Variants in CADM2 observed in about 807,000 individuals in gnomAD.
CADM2 encodes the protein immunoglobulin superfamily member 4D.
CADM2 carries 12 observed loss-of-function variants against 49.8 expected under a neutral mutation model. The observed-to-expected ratio is 0.24, with a 90% confidence interval of 0.15 to 0.39. The LOEUF (loss-of-function observed/expected upper bound fraction) is 0.39, where lower values mean the gene tolerates loss of function less well. Among genes scored for constraint, CADM2 ranks in the 10% least tolerant of loss-of-function variants. The probability of loss-of-function intolerance (pLI) is 1.00; values close to 1 mark genes in which losing one functional copy is unlikely to be tolerated. For missense variants in CADM2, 378 were observed against 492.3 expected (o/e 0.77, Z 2.20); for synonymous variants, 214 against 175.4 (o/e 1.22, Z -1.74).
At chr3:85,190,775 A>G (rs1433274126) in intron 1 of CADM2, among the ~76,000 whole-genome samples, 4 of 152,122 alleles carry the variant, frequency 2.6e-5, no homozygotes, top group Admixed American at 6.6e-5. Context: ...GAATGTAGTG[A>G]TTATACTTTC....
intron 1 of CADM2, among the ~76,000 whole-genome samples, chr3:85,296,228 G>T (rs977231464): frequency 6.6e-6 from 1 of 152,008 alleles, no homozygotes; most frequent in Non-Finnish European, 1.5e-5. Context: ...TAAATCTATA[G>T]TTTGAGTTCA....
intron 1 of CADM2, among the ~76,000 whole-genome samples, chr3:85,123,519 A>C (rs2038932237): frequency 6.6e-6 from 1 of 152,114 alleles, no homozygotes; most frequent in African/African-American, 2.4e-5. Flanking sequence ...AATTGATGTG[A>C]TTGTTTTCTG....
At chr3:85,849,519 A>G (rs1486008023) in intron 3 of CADM2, among the ~76,000 whole-genome samples, 1 of 152,210 alleles carries the variant, frequency 6.6e-6, no homozygotes, top group Non-Finnish European at 1.5e-5. Context: ...GAATTTGGCA[A>G]AAGTCACGCC....
At chr3:85,569,206 T>A (rs2062404508) in intron 1 of CADM2, among the ~76,000 whole-genome samples, 1 of 152,122 alleles carries the variant, frequency 6.6e-6, no homozygotes, top group South Asian at 2.1e-4. Flanking sequence ...ACACTGGATG[T>A]ACCTTTTAGA....
chr3:85,818,642 T>A (rs1452288765), intron 3 of CADM2, among the ~76,000 whole-genome samples: 1 of 152,192 alleles, frequency 6.6e-6, no homozygotes, highest in East Asian at 1.9e-4. Flanking sequence ...TGAATAGCCC[T>A]AGCTATTATC....
chr3:85,749,241 G>A (rs1006807877), intron 2 of CADM2, among the ~76,000 whole-genome samples: 25 of 151,226 alleles, frequency 1.7e-4, no homozygotes, highest in African/African-American at 6.1e-4. Context: ...TCCCCAATTT[G>A]TTACTAATTA....
At chr3:85,860,461 C>A (rs2075484887) in intron 3 of CADM2, among the ~76,000 whole-genome samples, 1 of 152,094 alleles carries the variant, frequency 6.6e-6, no homozygotes, top group Non-Finnish European at 1.5e-5. Context: ...AATTTAGTGT[C>A]TTTGTCCTAT....
intron 7 of CADM2, among the ~76,000 whole-genome samples, chr3:85,941,438 G>A (rs1286503804): frequency 3.3e-5 from 5 of 152,010 alleles, no homozygotes; most frequent in African/African-American, 4.8e-5. Context: ...CCAGACCGAA[G>A]TCATGGCAAA....
intron 1 of CADM2, among the ~76,000 whole-genome samples, chr3:85,133,736 C>T (rs1347215390): frequency 1.3e-5 from 2 of 152,250 alleles, no homozygotes; most frequent in Admixed American, 6.5e-5. Context: ...TATTTACAAT[C>T]CCTGAGCTAG....
intron 1 of CADM2, among the ~76,000 whole-genome samples, chr3:85,495,556 C>T (rs2039852677): frequency 6.6e-6 from 1 of 152,004 alleles, no homozygotes; most frequent in Non-Finnish European, 1.5e-5. Context: ...AAAGTCTAGT[C>T]CCTGTTTGTT....
chr3:85,638,469 A>G (rs2064588422), intron 1 of CADM2, among the ~76,000 whole-genome samples: 1 of 152,116 alleles, frequency 6.6e-6, no homozygotes. Flanking sequence ...TATGATTTTT[A>G]GAACAAGAGG....
At chr3:85,723,236 G>A (rs1380681684) in intron 1 of CADM2, among the ~76,000 whole-genome samples, 1 of 152,048 alleles carries the variant, frequency 6.6e-6, no homozygotes, top group Non-Finnish European at 1.5e-5. Flanking sequence ...GTAACAATTT[G>A]CTGCTTTTAT....
At chr3:85,082,468 A>G (rs1394461699) in intron 1 of CADM2, among the ~76,000 whole-genome samples, 1 of 152,174 alleles carries the variant, frequency 6.6e-6, no homozygotes, top group African/African-American at 2.4e-5. Context: ...TCTAAAGGCC[A>G]TGCTCTTTCT....
intron 1 of CADM2, among the ~76,000 whole-genome samples, chr3:85,140,036 G>A (rs2039530305): frequency 6.6e-6 from 1 of 152,102 alleles, no homozygotes; most frequent in Admixed American, 6.5e-5. Context: ...AGGGAAGGCT[G>A]TTAGCAGATA....
intron 3 of CADM2, among the ~76,000 whole-genome samples, chr3:85,832,908 T>C (rs909972565): frequency 3.9e-5 from 6 of 151,966 alleles, no homozygotes. Context: ...TGCTTCCAGC[T>C]TCCGCTCATT....
chr3:85,570,365 T>A (rs1349448328), intron 1 of CADM2, among the ~76,000 whole-genome samples: 1 of 151,966 alleles, frequency 6.6e-6, no homozygotes, highest in Non-Finnish European at 1.5e-5. Context: ...TTTACGAAGC[T>A]CAAGTACTAA....
At chr3:86,014,494 C>G in intron 8 of CADM2, 2 of 1,530,026 alleles carry the variant, frequency 1.3e-6, no homozygotes, top group Non-Finnish European at 1.8e-6. Context: ...ATGAAACTCC[C>G]TGGAAAATAC....
At chr3:85,063,879 C>T (rs998603388) in intron 1 of CADM2, among the ~76,000 whole-genome samples, 18 of 152,008 alleles carry the variant, frequency 1.2e-4, no homozygotes, top group Admixed American at 6.6e-4. Context: ...CTCACTCTAA[C>T]GCATTAGCAG....
At chr3:85,741,389 G>A in intron 2 of CADM2, among the ~76,000 whole-genome samples, 1 of 151,998 alleles carries the variant, frequency 6.6e-6, no homozygotes, top group East Asian at 1.9e-4. Flanking sequence ...AGTTGTCTCA[G>A]CCTGGCGTGG....
Sources: allele counts gnomAD v4.1 joint callset (sites outside exome capture counted in the v4.1 genomes callset), GRCh38; gene constraint gnomAD v4.1.1; transcripts MANE v1.5; gene names NCBI Gene and HGNC (gene_info 2026-07-23, HGNC 2026-07-21).